KLF8: variants seen among roughly 807,000 people sequenced by gnomAD.
The protein encoded by KLF8 is Krueppel-like factor 8.
In KLF8, 10 loss-of-function variants were observed where a neutral mutation model predicts 18.2. The ratio of observed to expected loss-of-function variants is 0.55; its 90% confidence interval spans 0.34 to 0.93. The LOEUF is 0.93. Ranked by LOEUF, KLF8 falls within the 40% of genes least tolerant of loss-of-function variation. The pLI is 0.02. For missense variants in KLF8, 264 were observed against 277.9 expected, an observed-to-expected ratio of 0.95 and a Z score of 0.36; for synonymous variants, 109 against 97.3, an observed-to-expected ratio of 1.12 and a Z score of -0.71.
the KLF8 span, among the ~76,000 whole-genome samples, chrX:56,180,440 G>A: frequency 6.4e-5 from 7 of 110,058 alleles, no homozygotes; most frequent in Non-Finnish European, 1.1e-4. Context: ...TTTTTTCAGC[G>A]TTTTTTTGTG....
chrX:56,248,551 C>G (rs1297757527), intron 1 of KLF8, among the ~76,000 whole-genome samples: 1 of 111,666 alleles, frequency 9.0e-6, no homozygotes, highest in Non-Finnish European at 1.9e-5. Flanking sequence ...TTGGAGTTGG[C>G]TGTCTTAAGT....
chrX:55,953,198 A>G, the KLF8 span, among the ~76,000 whole-genome samples: 1 of 111,612 alleles, frequency 9.0e-6, no homozygotes, highest in Non-Finnish European at 1.9e-5. Flanking sequence ...CTCGAGGAGT[A>G]TATAGCAAAG....
the KLF8 span, among the ~76,000 whole-genome samples, chrX:56,090,527 T>C: frequency 3.6e-5 from 4 of 112,292 alleles, no homozygotes; most frequent in African/African-American, 1.3e-4. Context: ...GGGGATAAAA[T>C]AATATCTCAT....
chrX:55,986,590 T>C, the KLF8 span, among the ~76,000 whole-genome samples: 1 of 112,289 alleles, frequency 8.9e-6, no homozygotes, highest in African/African-American at 3.2e-5. Flanking sequence ...TCTCTGTGAG[T>C]GCTGCAGACC....
At chrX:55,989,931 G>T in the KLF8 span, among the ~76,000 whole-genome samples, 1 of 111,181 alleles carries the variant, frequency 9.0e-6, no homozygotes, top group Non-Finnish European at 1.9e-5. Context: ...TTTAGTCTTG[G>T]GGGGGTGTAT....
chrX:56,121,983 T>C, the KLF8 span, among the ~76,000 whole-genome samples: 980 of 111,887 alleles, frequency 8.8e-3, 16 homozygotes, highest in African/African-American at 0.03. Context: ...TGAACATGTT[T>C]TGAGTAAAAT....
chrX:56,014,777 C>A, the KLF8 span: 1 of 107,093 alleles, frequency 9.3e-6, no homozygotes, highest in Non-Finnish European at 1.9e-5. Context: ...TACATGTACA[C>A]CATAGAATAC....
At chrX:55,946,119 G>C in the KLF8 span, among the ~76,000 whole-genome samples, 1 of 111,552 alleles carries the variant, frequency 9.0e-6, no homozygotes, top group Non-Finnish European at 1.9e-5. Context: ...TTTCTTTACA[G>C]AATTGGAAAA....
chrX:55,991,461 G>A, the KLF8 span, among the ~76,000 whole-genome samples: 16 of 111,785 alleles, frequency 1.4e-4, no homozygotes, highest in Non-Finnish European at 2.4e-4. Flanking sequence ...TGGGTGAGGC[G>A]ATGCCTCGGC....
the KLF8 span, among the ~76,000 whole-genome samples, chrX:56,106,082 G>C: frequency 2.7e-5 from 3 of 111,450 alleles, 1 homozygote; most frequent in Non-Finnish European, 5.7e-5. Context: ...TTTACCGAGA[G>C]ACAGCTGTTA....
the KLF8 span, among the ~76,000 whole-genome samples, chrX:55,942,988 T>C: frequency 2.7e-5 from 3 of 111,826 alleles, no homozygotes; most frequent in African/African-American, 9.7e-5. Context: ...AAGAGATGAT[T>C]CTTCAGCTTA....
At chrX:56,252,170 G>A (rs1474465395) in intron 2 of KLF8, among the ~76,000 whole-genome samples, 2 of 110,481 alleles carry the variant, frequency 1.8e-5, no homozygotes, top group African/African-American at 3.3e-5. Flanking sequence ...ATGCCACCAC[G>A]CCCAGCTAAT....
the KLF8 span, among the ~76,000 whole-genome samples, chrX:55,988,048 C>G: frequency 4.8e-3 from 529 of 111,301 alleles, 2 homozygotes; most frequent in Middle Eastern, 0.014. Flanking sequence ...TGACGGGGTT[C>G]TTTGTTTTTT....
At chrX:56,264,065 G>A (rs201713788) in intron 2 of KLF8, among the ~76,000 whole-genome samples, 1 of 111,395 alleles carries the variant, frequency 9.0e-6, no homozygotes, top group Admixed American at 9.6e-5. Context: ...ATAGATAATG[G>A]AAGCTTGTTT....
the KLF8 span, among the ~76,000 whole-genome samples, chrX:55,947,729 C>A: frequency 9.0e-6 from 1 of 111,462 alleles, no homozygotes; most frequent in Non-Finnish European, 1.9e-5. Context: ...TAAGTCTAAC[C>A]CCTCATGACT....
chrX:56,166,575 T>C, the KLF8 span, among the ~76,000 whole-genome samples: 3 of 112,473 alleles, frequency 2.7e-5, no homozygotes, highest in Non-Finnish European at 5.6e-5. Flanking sequence ...ATTTGTGCTA[T>C]AAATCCTGCT....
chrX:56,014,828 T>TTG, the KLF8 span: 2 of 97,159 alleles, frequency 2.1e-5, no homozygotes, highest in African/African-American at 7.7e-5. Flanking sequence ...TTTTTTTTTT[T>TTG]TTTTTTTTTT....
At chrX:55,935,734 CTT>C in the KLF8 span, among the ~76,000 whole-genome samples, 1 of 111,769 alleles carries the variant, frequency 8.9e-6, no homozygotes, top group Admixed American at 9.5e-5. Context: ...AAATATATCA[CTT>C]ATACTTTTTA....
rs2066983488 is a variant in KLF8 at position 56,267,191 on chromosome X, T to C, written c.646+1447T>C. On this transcript the variant is annotated intron_variant, in intron 3 of 5. Coordinates refer to ENST00000468660, the MANE Select transcript of KLF8 (RefSeq NM_007250.5). ...CAGGATAAATTTTAAATGTGCTCAA[T>C]GTGGTTCCAAGCTAAGGGCATTGGC... 7 of 752,600 alleles carry C rather than the reference T, an allele frequency of 9.3e-6. No individual in the cohort carries two copies. The South Asian group carries it at 3.4e-4, about 37-fold the overall frequency. 62.0% of individuals were successfully genotyped at this position (752,600 alleles called of 1,213,427 possible). A position where few individuals can be genotyped will look rare whatever the true frequency, so the allele number is the denominator to read the frequency against.
Sources: allele counts gnomAD v4.1 joint callset (sites outside exome capture counted in the v4.1 genomes callset), GRCh38; gene constraint gnomAD v4.1.1; transcripts MANE v1.5; gene names NCBI Gene and HGNC (gene_info 2026-07-23, HGNC 2026-07-21).